Variants in NELL1 observed in about 807,000 individuals in gnomAD.
The protein encoded by NELL1 is protein kinase C-binding protein NELL1.
Under a neutral mutation model 107.4 loss-of-function variants are expected in NELL1, and 76 were observed. The ratio of observed to expected loss-of-function variants is 0.71; its 90% CI spans 0.59 to 0.86. The LOEUF (loss-of-function observed/expected upper bound fraction) is 0.86. Among genes scored for constraint, NELL1 ranks in the 40% least tolerant of loss-of-function variants. The pLI, the probability that NELL1 is intolerant of heterozygous loss-of-function variation, is 0.00. For synonymous variants in NELL1, 353 were observed against 341.2 expected (o/e 1.03, Z -0.38); for missense variants, 1,024 against 1,005.5 (o/e 1.02, Z -0.25).
intron 13 of NELL1, among the ~76,000 whole-genome samples, chr11:21,226,330 A>G (rs969513587): frequency 2.0e-5 from 3 of 152,154 alleles, no homozygotes; most frequent in Non-Finnish European, 4.4e-5. Context: ...TTATGATATC[A>G]TTTCCACATT....
At chr11:21,000,600 G>A (rs1392385580) in intron 12 of NELL1, among the ~76,000 whole-genome samples, 3 of 152,158 alleles carry the variant, frequency 2.0e-5, no homozygotes, top group Admixed American at 1.3e-4. Context: ...GAGACTCCAT[G>A]GAAAAGAGTG....
At chr11:20,713,747 A>G (rs1239617647) in intron 2 of NELL1, among the ~76,000 whole-genome samples, 1 of 152,190 alleles carries the variant, frequency 6.6e-6, no homozygotes, top group East Asian at 1.9e-4. Context: ...ACCCCTCCCC[A>G]GTTCTACTCA....
chr11:21,125,908 C>G lies in NELL1; in HGVS notation c.1426+12194C>G, dbSNP rs202192728. Among the ~76,000 whole-genome samples the G allele has an allele frequency of 1.8e-4, 28 of 152,312 alleles. No individual in the cohort carries two copies. In the East Asian group the frequency reaches 4.6e-3, roughly 25 times the overall value. On this transcript the variant is annotated intron_variant, in intron 13 of 19. Coordinates refer to ENST00000357134, the MANE Select transcript of NELL1 (RefSeq NM_006157.5). ...CCAAGTAGGGTATTTATTCATAGCACCAACTCAAATCATCTTCAGAGAAAT... is the reference window on the plus strand; with the variant it reads ...CCAAGTAGGGTATTTATTCATAGCAGCAACTCAAATCATCTTCAGAGAAAT...
At chr11:20,757,999 T>G (rs1159729879) in intron 2 of NELL1, among the ~76,000 whole-genome samples, 1 of 152,180 alleles carries the variant, frequency 6.6e-6, no homozygotes, top group Non-Finnish European at 1.5e-5. Context: ...GATAGCCTCC[T>G]CCTTGCTCTA....
chr11:21,324,994 C>A (rs1347446583), intron 14 of NELL1, among the ~76,000 whole-genome samples: 1 of 152,030 alleles, frequency 6.6e-6, no homozygotes, highest in East Asian at 1.9e-4. Context: ...TGTTTTATAG[C>A]ATATTTGTAT....
At chr11:21,367,107 T>C (rs573431850) in intron 14 of NELL1, among the ~76,000 whole-genome samples, 1 of 152,216 alleles carries the variant, frequency 6.6e-6, no homozygotes, top group Non-Finnish European at 1.5e-5. Context: ...CTCTCTCAAA[T>C]ATGAATTTTG....
chr11:21,421,419 G>A (rs766916486), intron 15 of NELL1, among the ~76,000 whole-genome samples: 2 of 152,140 alleles, frequency 1.3e-5, no homozygotes, highest in Non-Finnish European at 2.9e-5. Flanking sequence ...GCACATGCAT[G>A]TGTTCCTGGA....
chr11:21,259,358 T>C (rs1430447166), intron 14 of NELL1, among the ~76,000 whole-genome samples: 3 of 151,946 alleles, frequency 2.0e-5, no homozygotes, highest in Non-Finnish European at 2.9e-5. Flanking sequence ...GAAGTGGCCT[T>C]ATTTCCTTGG....
In NELL1 at chr11:21,010,388, T is replaced by C. The variant is rs1236485063; in HGVS notation, c.1300+49828T>C. 2.6e-5 allele frequency among the ~76,000 whole-genome samples: 4 copies of C among 152,112 alleles called. No homozygotes were observed. The East Asian group carries it at 7.8e-4, about 30-fold the overall frequency. On this transcript the variant is annotated intron_variant, in intron 12 of 19. Coordinates refer to ENST00000357134, the MANE Select transcript of NELL1 (RefSeq NM_006157.5). ...TGCTCCACCCTCCCTGCCTGTCTCC[T>C]TCTCTTTCCAAGTTCTAATACAATA...
intron 16 of NELL1, among the ~76,000 whole-genome samples, chr11:21,540,851 A>G (rs758701326): frequency 9.2e-5 from 14 of 152,106 alleles, no homozygotes; most frequent in Non-Finnish European, 1.9e-4. Context: ...TCACTGGCTT[A>G]TTTCATGAAG....
intron 13 of NELL1, among the ~76,000 whole-genome samples, chr11:21,123,022 G>T (rs1855405164): frequency 6.6e-6 from 1 of 152,060 alleles, no homozygotes; most frequent in Non-Finnish European, 1.5e-5. Flanking sequence ...TCTCAAAATG[G>T]TGAAGTTACT....
At chr11:21,477,974 C>T (rs957175964) in intron 15 of NELL1, among the ~76,000 whole-genome samples, 9 of 150,610 alleles carry the variant, frequency 6.0e-5, no homozygotes, top group Admixed American at 5.9e-4. Flanking sequence ...TAGAAAAATG[C>T]ATCTGTATTA....
chr11:21,539,879 G>T (rs186679398), intron 16 of NELL1, among the ~76,000 whole-genome samples: 34 of 151,742 alleles, frequency 2.2e-4, no homozygotes, highest in African/African-American at 8.2e-4. Flanking sequence ...GGCTCCCTTT[G>T]CCAGGGAGCT....
At position 21,480,516 on chromosome 11, in the gene NELL1, C is replaced by T. The variant is rs939429329; in HGVS notation, c.1646-53858C>T. 3.9e-5 allele frequency among the ~76,000 whole-genome samples: 6 copies of T among 152,146 alleles called. No homozygotes were observed. In the South Asian group the frequency reaches 1.2e-3, roughly 32 times the overall value. On this transcript the variant is annotated intron_variant, in intron 15 of 19. Transcript: ENST00000357134. The stretch of plus-strand genomic sequence containing the variant: ...TCATTCAGCTTCACAGTGTCGGCCA[C>T]GGATATGCTAAATTGTCACACTTAT...
chr11:20,971,767 T>C (rs1378235244), intron 12 of NELL1, among the ~76,000 whole-genome samples: 1 of 152,196 alleles, frequency 6.6e-6, no homozygotes, highest in Non-Finnish European at 1.5e-5. Context: ...AGTGTGCTAA[T>C]ACTTATCTAA....
chr11:21,383,330 A>T (rs1489114019), intron 15 of NELL1, among the ~76,000 whole-genome samples: 1 of 151,940 alleles, frequency 6.6e-6, no homozygotes, highest in Non-Finnish European at 1.5e-5. Context: ...CCTTGAAGTT[A>T]TCTATGGGTG....
At chr11:21,124,968 A>C (rs541154864) in intron 13 of NELL1, among the ~76,000 whole-genome samples, 1 of 152,064 alleles carries the variant, frequency 6.6e-6, no homozygotes, top group Non-Finnish European at 1.5e-5. Context: ...GGTCTCCTTT[A>C]TAAGGGCACT....
chr11:21,392,994 A>AT (rs35582724), intron 15 of NELL1, among the ~76,000 whole-genome samples: 73 of 149,402 alleles, frequency 4.9e-4, no homozygotes, highest in African/African-American at 9.3e-4. Context: ...TTAAGTCAGA[A>AT]TTTTTTTTTT....
intron 3 of NELL1, among the ~76,000 whole-genome samples, chr11:20,844,847 A>G (rs948722491): frequency 6.6e-5 from 10 of 152,208 alleles, no homozygotes; most frequent in African/African-American, 2.2e-4. Flanking sequence ...TGATGCTGCT[A>G]TTGGTGTTCT....
Sources: allele counts gnomAD v4.1 joint callset (sites outside exome capture counted in the v4.1 genomes callset), GRCh38; gene constraint gnomAD v4.1.1; transcripts MANE v1.5; gene names NCBI Gene and HGNC (gene_info 2026-07-23, HGNC 2026-07-21).